The following TMEM131L variants were observed in gnomAD, a reference collection of about 807,000 sequenced individuals.
The protein encoded by TMEM131L is transmembrane protein 131-like.
Under a neutral mutation model 192.2 loss-of-function variants are expected in TMEM131L, and 54 were observed. The observed-to-expected ratio is 0.28, with a 90% CI of 0.23 to 0.35. TMEM131L has a LOEUF of 0.35. Ranked by LOEUF, TMEM131L falls within the 10% of genes least tolerant of loss-of-function variation. The pLI is 1.00. For synonymous variants in TMEM131L, 701 were observed against 704.9 expected, an observed-to-expected ratio of 0.99 and a Z score of 0.09; for missense variants, 1,888 against 1,972.9, an observed-to-expected ratio of 0.96 and a Z score of 0.82.
chr4:153,467,358 C>A, intron 2 of TMEM131L, 77 bp downstream of exon 2: 1 of 1,292,764 alleles, frequency 7.7e-7, no homozygotes, highest in Non-Finnish European at 1.1e-6. Flanking sequence ...TCCTCCCCAC[C>A]CCCTGTCCAA....
At chr4:153,614,596 A>G (rs1032037291) in intron 26 of TMEM131L, among the ~76,000 whole-genome samples, 3 of 152,180 alleles carry the variant, frequency 2.0e-5, no homozygotes, top group African/African-American at 2.4e-5. Context: ...GAAGGTAATA[A>G]TTGGATGTTG....
intron 2 of TMEM131L, among the ~76,000 whole-genome samples, chr4:153,471,496 A>C (rs1283597258): frequency 6.6e-6 from 1 of 152,214 alleles, no homozygotes; most frequent in Non-Finnish European, 1.5e-5. Context: ...GAGGTTGGCT[A>C]AGTCTGCAGG....
At chr4:153,606,430 C>G (rs1732244850) in intron 25 of TMEM131L, among the ~76,000 whole-genome samples, 1 of 152,152 alleles carries the variant, frequency 6.6e-6, no homozygotes, top group Non-Finnish European at 1.5e-5. Flanking sequence ...CCTTCTATAT[C>G]TTAATACTTT....
chr4:153,506,865 GAAAGAAA>G (rs895141058), intron 3 of TMEM131L, among the ~76,000 whole-genome samples: 1 of 145,738 alleles, frequency 6.9e-6, no homozygotes, highest in Non-Finnish European at 1.5e-5. Flanking sequence ...AAAAAAAGAA[GAAAGAAA>G]AAAAGAGTAT....
At chr4:153,621,981 C>G (rs1455071068) in intron 28 of TMEM131L, 132 bp downstream of exon 28, 2 of 857,414 alleles carry the variant, frequency 2.3e-6, no homozygotes, top group Non-Finnish European at 3.5e-6. Context: ...ACTAAAGCCC[C>G]AGTGGAAAGC....
At chr4:153,581,047 A>T in intron 8 of TMEM131L, 144 bp downstream of exon 8, 1 of 594,148 alleles carries the variant, frequency 1.7e-6, no homozygotes, top group Middle Eastern at 4.6e-4. Flanking sequence ...AGGTCAGGAG[A>T]TTGAGACCAT....
chr4:153,530,429 C>T (rs1423194720), intron 3 of TMEM131L, among the ~76,000 whole-genome samples: 1 of 152,006 alleles, frequency 6.6e-6, no homozygotes, highest in East Asian at 1.9e-4. Context: ...CGAGCAGTTT[C>T]CCCACAGGAA....
At chr4:153,470,110 T>C (rs1731050829) in intron 2 of TMEM131L, among the ~76,000 whole-genome samples, 1 of 152,106 alleles carries the variant, frequency 6.6e-6, no homozygotes, top group Non-Finnish European at 1.5e-5. Context: ...AACTAAATTG[T>C]TGTAAACTGT....
intron 19 of TMEM131L, among the ~76,000 whole-genome samples, chr4:153,594,539 T>C (rs968463921): frequency 6.6e-6 from 1 of 152,228 alleles, no homozygotes; most frequent in East Asian, 1.9e-4. Context: ...AAGTGGAGCA[T>C]CTGTTGACAA....
At chr4:153,551,475 A>G (rs1403472198) in intron 4 of TMEM131L, among the ~76,000 whole-genome samples, 2 of 151,926 alleles carry the variant, frequency 1.3e-5, no homozygotes, top group Admixed American at 1.3e-4. Flanking sequence ...CTCCTGCCTC[A>G]GCCTCCTGAA....
chr4:153,630,226 G>A (rs56383187), intron 31 of TMEM131L, among the ~76,000 whole-genome samples: 4,463 of 152,222 alleles, frequency 0.029, 157 homozygotes, highest in African/African-American at 0.089. Flanking sequence ...TTCTTAATCA[G>A]ACCTAGGGAA....
intron 11 of TMEM131L, 90 bp from the exon 12 acceptor site, chr4:153,584,745 A>C: frequency 1.2e-6 from 1 of 812,934 alleles, no homozygotes; most frequent in East Asian, 2.8e-5. Flanking sequence ...AAAGTGAATA[A>C]AAATTTATAA....
intron 7 of TMEM131L, among the ~76,000 whole-genome samples, chr4:153,565,168 T>C (rs1021091840): frequency 2.0e-4 from 31 of 152,208 alleles, no homozygotes; most frequent in Admixed American, 1.9e-3. Context: ...TCTCTCCTGC[T>C]CTTCCATGAA....
chr4:153,634,106 T>G, intron 32 of TMEM131L, 86 bp from the exon 33 acceptor site: 1 of 1,111,074 alleles, frequency 9.0e-7, no homozygotes, highest in South Asian at 1.3e-5. Flanking sequence ...GTGATTAGGA[T>G]GCTAGGCAGT....
chr4:153,636,496 C>G lies in TMEM131L; in HGVS notation c.4753C>G (p.Leu1585Val). 6.2e-7 allele frequency: 1 copy of G among 1,614,174 alleles called. No individual in the cohort carries two copies. The highest frequency in any genetic ancestry group is 8.5e-7 in the Non-Finnish European group (1 of 1,179,996). Residue 1585 changes from leucine to valine, a missense_variant, in exon 35 of 35, where the codon CTG (leucine) becomes GTG (valine). By Grantham distance (32) the Leu-to-Val change is conservative. Coordinates refer to ENST00000409959, the MANE Select transcript of TMEM131L (RefSeq NM_001131007.2). ...CAACCCGTTTCGCGCCTATATGAAC[C>G]TGGACATATGGACTACCACAGCGAA... is the stretch of plus-strand genomic sequence containing the variant. ...GFNPFRAYMN[L>V]DIWTTTANRN...
At position 153,537,529 on chromosome 4, in the gene TMEM131L, AC is replaced by A. The variant is rs547914273; in HGVS notation, c.240-12542del. Among the ~76,000 whole-genome samples, 4 of 152,268 alleles carry A rather than the reference AC, an allele frequency of 2.6e-5. No homozygotes were observed. In the South Asian group the frequency reaches 8.3e-4, roughly 32 times the overall value. On this transcript the variant is annotated intron_variant, in intron 3 of 34. Transcript: ENST00000409959. ...GATTATTTATGCCTCCCCTTTTTTG[AC>A]CGTATAGGGTAACATACTGATGTTG...
In TMEM131L at chr4:153,479,907, T is replaced by C. The variant is rs975307876; in HGVS notation, c.239+6019T>C. On this transcript the variant is annotated intron_variant, in intron 3 of 34. Coordinates refer to ENST00000409959, the MANE Select transcript of TMEM131L (RefSeq NM_001131007.2). ...TGGAACTACTTCTCACTTTTCTTTG[T>C]TATTCAGAAATGGAAGTTCTGGGCT... is the stretch of plus-strand genomic sequence containing the variant. 4.6e-5 allele frequency among the ~76,000 whole-genome samples: 7 copies of C among 152,244 alleles called. No homozygotes were observed. The South Asian group carries it at 1.4e-3, about 32-fold the overall frequency.
chr4:153,489,666 C>T (rs1026404576), intron 3 of TMEM131L, among the ~76,000 whole-genome samples: 3 of 152,020 alleles, frequency 2.0e-5, no homozygotes, highest in African/African-American at 4.8e-5. Context: ...TTAGTAGAGA[C>T]GGGGTTTCAC....
At chr4:153,514,095 G>T (rs1734543195) in intron 3 of TMEM131L, among the ~76,000 whole-genome samples, 1 of 152,014 alleles carries the variant, frequency 6.6e-6, no homozygotes, top group Admixed American at 6.6e-5. Context: ...GCACAGCTTT[G>T]GAATCATAAA....
Sources: allele counts gnomAD v4.1 joint callset (sites outside exome capture counted in the v4.1 genomes callset), GRCh38; gene constraint gnomAD v4.1.1; transcripts MANE v1.5; gene names NCBI Gene and HGNC (gene_info 2026-07-23, HGNC 2026-07-21).